RGS22: variants seen among roughly 807,000 people sequenced by gnomAD.
RGS22 encodes the protein regulator of G protein signaling 22.
RGS22 carries 148 observed loss-of-function variants against 172.9 expected under a neutral mutation model. That is an observed-to-expected ratio of 0.86 (90% confidence interval 0.75 to 0.98). The LOEUF (loss-of-function observed/expected upper bound fraction) is 0.98, where lower values mean the gene tolerates loss of function less well. Ranked by LOEUF, RGS22 falls within the 50% of genes least tolerant of loss-of-function variation. The pLI is 0.00. For synonymous variants in RGS22, 458 were observed against 480.2 expected, an observed-to-expected ratio of 0.95 and a Z score of 0.60; for missense variants, 1,347 against 1,440.8, an observed-to-expected ratio of 0.93 and a Z score of 1.05.
intron 4 of RGS22, among the ~76,000 whole-genome samples, chr8:100,074,279 G>T (rs2131860703): frequency 6.6e-6 from 1 of 152,328 alleles, no homozygotes; most frequent in South Asian, 2.1e-4. Context: ...TAGATTTATT[G>T]AGGTATAAAT....
rs570350049 is a variant in RGS22 at position 99,970,048 on chromosome 8, C to T, written c.3520-4618G>A. Among the ~76,000 whole-genome samples, 6 of 152,314 alleles carry T rather than the reference C, an allele frequency of 3.9e-5. 1 individual carries two copies. The South Asian group carries it at 1.2e-3, about 32-fold the overall frequency. The stretch of plus-strand genomic sequence containing the variant: ...ACAAACAGTCTCTTGGACCACAGTG[C>T]AATCAAATTAGAACTCAGGATTAAG... On this transcript the variant is annotated intron_variant, in intron 23 of 27. Coordinates refer to ENST00000360863, the MANE Select transcript of RGS22 (RefSeq NM_015668.5).
In RGS22 at chr8:100,066,181, A is replaced by C; in HGVS notation, c.710T>G (p.Ile237Ser). 2 of 1,612,590 alleles carry C rather than the reference A, an allele frequency of 1.2e-6. No individual in the cohort carries two copies. The highest frequency in any genetic ancestry group is 2.2e-5 in the South Asian group (2 of 90,688). ...VPYNKLKSPAISSVSENFIFD... is the reference protein window; with the variant it reads ...VPYNKLKSPASSSVSENFIFD... Reference sequence around the variant, plus strand: ...TTTCTGCTTACCAGAAACAGATGAAATAGCTGGTGATTTAAGTTTGTTGTA... The same window carrying C: ...TTTCTGCTTACCAGAAACAGATGAACTAGCTGGTGATTTAAGTTTGTTGTA... The change falls in exon 7 of 28, where the codon ATT (isoleucine) becomes AGT (serine). Residue 237 changes from isoleucine to serine, a missense_variant. Transcript: ENST00000360863.
intron 14 of RGS22, among the ~76,000 whole-genome samples, chr8:100,024,977 G>A (rs1818017330): frequency 6.6e-6 from 1 of 150,498 alleles, no homozygotes; most frequent in African/African-American, 2.4e-5. Flanking sequence ...TGGCCTTTCT[G>A]GAAACAAGAG....
At chr8:100,091,875 G>C (rs1029483038) in intron 3 of RGS22, 1 of 152,130 alleles carries the variant, frequency 6.6e-6, no homozygotes, top group Non-Finnish European at 1.5e-5. Context: ...TAAAGAGTCA[G>C]ACCAAACAAG....
Position 100,071,434 on chromosome 8 carries a change from G to GT in RGS22, c.528dup (p.Pro177ThrfsTer6). 1.2e-6 allele frequency: 2 copies of GT among 1,613,316 alleles called. No homozygotes were observed. Among genetic ancestry groups the GT allele is most frequent in the African/African-American group, 2.7e-5 (2 of 74,994 alleles). ...TTATCTTCTTCAGTGGCAGGAGGTG[G>GT]TAGACTGGGTGGTTTTTTCACGATC... On this transcript the variant is annotated frameshift_variant, in exon 6 of 28. Coordinates refer to ENST00000360863, the MANE Select transcript of RGS22 (RefSeq NM_015668.5). LOFTEE classifies it high-confidence loss of function.
intron 14 of RGS22, among the ~76,000 whole-genome samples, chr8:100,009,539 G>A (rs749014625): frequency 2.0e-5 from 3 of 151,172 alleles, no homozygotes; most frequent in Non-Finnish European, 2.9e-5. Context: ...TAATAGTTAT[G>A]TATATCTGAG....
At chr8:99,973,483 G>A (rs542238308) in intron 23 of RGS22, among the ~76,000 whole-genome samples, 1 of 152,102 alleles carries the variant, frequency 6.6e-6, no homozygotes, top group African/African-American at 2.4e-5. Flanking sequence ...ATGGACACAG[G>A]GAGGGGAACA....
intron 10 of RGS22, among the ~76,000 whole-genome samples, chr8:100,049,253 T>G (rs1821033966): frequency 6.6e-6 from 1 of 152,174 alleles, no homozygotes; most frequent in South Asian, 2.1e-4. Context: ...TTTGTCCAAA[T>G]TTACAGAACT....
At chr8:100,098,629 C>T (rs1436566056) in intron 2 of RGS22, among the ~76,000 whole-genome samples, 1 of 152,106 alleles carries the variant, frequency 6.6e-6, no homozygotes, top group Non-Finnish European at 1.5e-5. Context: ...GTTATCATCA[C>T]AGATTACATC....
rs1410140437 is a variant in RGS22 at position 100,072,998 on chromosome 8, G to A, written c.340-768C>T. ...CATTAAGGAGTATAGATTTTATCTT[G>A]AGGTTGTGAGAGCAATACAGAATTA... On this transcript the variant is annotated intron_variant, in intron 4 of 27. Transcript: ENST00000360863. Among the ~76,000 whole-genome samples, 4 of 152,190 alleles carry A rather than the reference G, an allele frequency of 2.6e-5. 1 individual carries two copies. In the South Asian group the frequency reaches 8.3e-4, roughly 32 times the overall value.
intron 23 of RGS22, among the ~76,000 whole-genome samples, chr8:99,966,863 A>G (rs1037616133): frequency 6.6e-6 from 1 of 152,204 alleles, no homozygotes; most frequent in African/African-American, 2.4e-5. Context: ...ACTGCCTTCT[A>G]TCCCCAGCCC....
Position 100,064,029 on chromosome 8 carries a change from C to A in RGS22, c.739G>T (p.Asp247Tyr). The change falls in exon 8 of 28, where the codon GAT becomes TAT. Residue 247 changes from aspartate (D) to tyrosine (Y), a missense_variant. Physicochemically the swap from Asp to Tyr is radical, Grantham distance 160. Coordinates refer to ENST00000360863, the MANE Select transcript of RGS22 (RefSeq NM_015668.5). ...ISSVSENFIF[D>Y]DGVHPRTKKD... ...TTTGTCCTAGGGTGAACTCCATCAT[C>A]AAAGATAAAATTCTCTGTATTAAGT... 1.3e-6 allele frequency: 2 copies of A among 1,507,352 alleles called. No homozygotes were observed. The highest frequency in any genetic ancestry group is 1.4e-5 in the South Asian group (1 of 72,132). The allele number at this position is 1,507,352 out of a possible 1,614,324, so 93.4% of individuals were successfully genotyped here.
Position 100,071,476 on chromosome 8 carries a change from A to T in RGS22, c.487T>A (p.Ser163Thr). Residue 163 changes from serine to threonine, a missense_variant, in exon 6 of 28, where the codon TCA becomes ACA. Transcript: ENST00000360863. ...SKSGMNFTVGSNFSPWIVKKP... is the reference protein window; with the variant it reads ...SKSGMNFTVGTNFSPWIVKKP... The stretch of plus-strand genomic sequence containing the variant: ...TTCACGATCCAGGGAGAAAAATTTG[A>T]TCCTACTGTGAAATTCATGCCGGAC... 6.2e-7 allele frequency: 1 copy of T among 1,613,046 alleles called. No individual in the cohort carries two copies. Among genetic ancestry groups the T allele is most frequent in the Non-Finnish European group, 8.5e-7 (1 of 1,179,356 alleles).
At chr8:99,962,661 G>C in intron 26 of RGS22, 26 bp downstream of exon 26, 1 of 1,574,864 alleles carries the variant, frequency 6.3e-7, no homozygotes, top group African/African-American at 1.4e-5. Context: ...AGAAACAACT[G>C]AAGATAGACT....
At chr8:100,053,796 C>T (rs1194871968) in intron 9 of RGS22, among the ~76,000 whole-genome samples, 4 of 151,762 alleles carry the variant, frequency 2.6e-5, no homozygotes, top group African/African-American at 9.7e-5. Context: ...CCACCATGCC[C>T]GGCTAATTTT....
chr8:100,105,681 T>C, intron 1 of RGS22: 1 of 559,410 alleles, frequency 1.8e-6, no homozygotes, highest in Non-Finnish European at 3.1e-6. Context: ...CTACGTACAA[T>C]ATGCAGAATT....
At position 99,994,550 on chromosome 8, in the gene RGS22, C is replaced by G. The variant is rs958853560; in HGVS notation, c.3018+1912G>C. On this transcript the variant is annotated intron_variant, in intron 20 of 27. Coordinates refer to ENST00000360863, the MANE Select transcript of RGS22 (RefSeq NM_015668.5). ...GAGAATAAAATACCTAGGACTCCAA[C>G]TGACAAGGGATATGAAGGACCTCTT... Among the ~76,000 whole-genome samples the G allele has an allele frequency of 2.6e-5, 4 of 152,268 alleles. No homozygotes were observed. In the South Asian group the frequency reaches 8.3e-4, roughly 32 times the overall value.
At position 99,961,055 on chromosome 8, in the gene RGS22, A is replaced by G. The variant is rs1358501083; in HGVS notation, c.*187T>C. 2.7e-6 allele frequency: 1 copy of G among 372,060 alleles called. No homozygotes were observed. The highest frequency in any genetic ancestry group is 5.2e-6 in the Non-Finnish European group (1 of 191,642). The allele number at this position is 372,060 out of a possible 1,614,324, so 23.0% of individuals were successfully genotyped here. A position where few individuals can be genotyped will look rare whatever the true frequency, so the allele number is the denominator to read the frequency against. On this transcript the variant is annotated 3_prime_UTR_variant, in exon 28 of 28. Coordinates refer to ENST00000360863, the MANE Select transcript of RGS22 (RefSeq NM_015668.5). Reference sequence around the variant, plus strand: ...ATTTTAAAACTGCGAGAGTAAGACAAGCCAAATTTTCTTTATTTATTTCCC... The same window carrying G: ...ATTTTAAAACTGCGAGAGTAAGACAGGCCAAATTTTCTTTATTTATTTCCC...
At chr8:99,980,755 G>A (rs566957855) in intron 22 of RGS22, among the ~76,000 whole-genome samples, 3 of 152,280 alleles carry the variant, frequency 2.0e-5, no homozygotes, top group South Asian at 2.1e-4. Context: ...TACCAGAACC[G>A]AAAGGTATCG....
Sources: gnomAD v4.1 joint callset for allele counts (sites outside exome capture counted in the v4.1 genomes callset) on GRCh38, gnomAD v4.1.1 for gene constraint, MANE v1.5 for transcripts, NCBI Gene and HGNC (gene_info 2026-07-23, HGNC 2026-07-21) for gene names.